The following SSPN variants were observed in gnomAD, a reference collection of about 807,000 sequenced individuals.
SSPN encodes K-ras oncogene-associated protein.
In SSPN, 15 loss-of-function variants were observed where a neutral mutation model predicts 19.1. The observed-to-expected ratio is 0.78, with a 90% CI of 0.52 to 1.21. The LOEUF (loss-of-function observed/expected upper bound fraction) is 1.21, where lower values mean the gene tolerates loss of function less well. Among genes scored for constraint, SSPN ranks in the 50% most tolerant of loss-of-function variants. The pLI is 0.00. For synonymous variants in SSPN, 147 were observed against 140.3 expected, an observed-to-expected ratio of 1.05 and a Z score of -0.34; for missense variants, 291 against 314.0, an observed-to-expected ratio of 0.93 and a Z score of 0.55.
At position 26,153,560 on chromosome 12, in the gene SSPN, T is replaced by C. The variant is rs193036389; in HGVS notation, c.-31+31408T>C. ...AGTACTTAAATATTTTTTGAATGAA[T>C]GTGTGCATAAATGAATAATGAATAA... On this transcript the variant is annotated intron_variant, in intron 1 of 2. Transcript: ENST00000538142. Among the ~76,000 whole-genome samples the C allele has an allele frequency of 3.9e-5, 6 of 152,268 alleles. No homozygotes were observed. In the East Asian group the frequency reaches 7.7e-4, roughly 20 times the overall value.
rs1565697951 is a variant in SSPN, at chr12:26,233,359, C to CACAT, written c.*2286_*2287insTACA. 10 of 144,584 alleles carry CACAT rather than the reference C, an allele frequency of 6.9e-5. No individual in the cohort carries two copies. Among genetic ancestry groups the CACAT allele is most frequent in the African/African-American group, 2.9e-4 (10 of 34,970 alleles). The allele number at this position is 144,584 out of a possible 1,614,324, so 9.0% of individuals were successfully genotyped here. A position where few individuals can be genotyped will look rare whatever the true frequency, so the allele number is the denominator to read the frequency against. ...ATATATATATATATATACACATACACACACACACACACATATATACTATAC... is the reference window on the plus strand; with the variant it reads ...ATATATATATATATATACACATACACACATACACACACACACATATATACTATAC... On this transcript the variant is annotated 3_prime_UTR_variant, in exon 3 of 3. Transcript: ENST00000242729. This position sits in a 1 kb window ranked among gnomAD's most constrained non-coding sequence, Gnocchi z 4.3.
At chr12:26,192,567 A>G (rs1355154560), upstream of SSPN, among the ~76,000 whole-genome samples, 1 of 152,202 alleles carries the variant, frequency 6.6e-6, no homozygotes, top group African/African-American at 2.4e-5. Flanking sequence ...TCAAATATCA[A>G]TTAAGTGAAA....
At chr12:26,160,657 T>C (rs1481109516) in intron 1 of SSPN, among the ~76,000 whole-genome samples, 1 of 152,346 alleles carries the variant, frequency 6.6e-6, no homozygotes, top group Middle Eastern at 3.4e-3. Context: ...TCCTTACTCA[T>C]AGCCTGCTAT....
intron 1 of SSPN, among the ~76,000 whole-genome samples, chr12:26,160,430 C>G (rs959118633): frequency 2.0e-5 from 3 of 152,180 alleles, no homozygotes; most frequent in African/African-American, 7.2e-5. Flanking sequence ...TCTGAACACA[C>G]AAATAACATC....
At chr12:26,191,184 T>G (rs1034442810), upstream of SSPN, among the ~76,000 whole-genome samples, 24 of 152,216 alleles carry the variant, frequency 1.6e-4, no homozygotes, top group African/African-American at 5.8e-4. Context: ...TTAAAATAAA[T>G]TTAGTTATTT....
intron 1 of SSPN, among the ~76,000 whole-genome samples, chr12:26,153,166 T>G (rs1351946381): frequency 2.0e-5 from 3 of 152,210 alleles, no homozygotes; most frequent in Non-Finnish European, 2.9e-5. Flanking sequence ...GGCAAATTAC[T>G]TAGCCTCTAA....
chr12:26,220,119 T>G (rs1188695360), intron 1 of SSPN, among the ~76,000 whole-genome samples: 1 of 152,044 alleles, frequency 6.6e-6, no homozygotes, highest in African/African-American at 2.4e-5. Flanking sequence ...AAATCTGGTT[T>G]TCTCTCCATG....
chr12:26,154,726 C>T (rs940270604), intron 1 of SSPN, among the ~76,000 whole-genome samples: 5 of 152,196 alleles, frequency 3.3e-5, no homozygotes, highest in South Asian at 2.1e-4. Context: ...ACTGTACATT[C>T]GATTATTGTT....
intron 1 of SSPN, among the ~76,000 whole-genome samples, chr12:26,161,692 G>A (rs912294229): frequency 6.6e-6 from 1 of 152,062 alleles, no homozygotes; most frequent in African/African-American, 2.4e-5. Flanking sequence ...TTGGTACCAG[G>A]GACCAGTTTC....
chr12:26,153,127 C>T (rs1944535294), intron 1 of SSPN, among the ~76,000 whole-genome samples: 1 of 152,176 alleles, frequency 6.6e-6, no homozygotes, highest in East Asian at 1.9e-4. Flanking sequence ...CACCACTCTC[C>T]GTCATATTCC....
chr12:26,201,029 AT>A (rs1565685459), intron 1 of SSPN, among the ~76,000 whole-genome samples: 5 of 38,610 alleles, frequency 1.3e-4, no homozygotes, highest in Admixed American at 6.3e-4. Flanking sequence ...ATATATATAT[AT>A]ATATATATAT....
intron 1 of SSPN, among the ~76,000 whole-genome samples, chr12:26,137,632 G>GTATATA (rs1565669413): frequency 2.3e-5 from 1 of 43,254 alleles, no homozygotes; most frequent in African/African-American, 9.5e-5. Flanking sequence ...GTGTGTGTGT[G>GTATATA]TATGTATATA....
In SSPN at chr12:26,224,298, C is replaced by CT. The variant is rs776093894; in HGVS notation, c.287dup (p.Leu96PhefsTer17). The CT allele has an allele frequency of 1.2e-6, 2 of 1,613,430 alleles. No individual in the cohort carries two copies. Among genetic ancestry groups the CT allele is most frequent in the African/African-American group, 2.7e-5 (2 of 75,044 alleles). ...TTCTGTGTTCTCCCTTGCAGGTCTG[C>CT]TTAGTGGCCTATCTTGGCTTGTTTA... is the stretch of plus-strand genomic sequence containing the variant. On this transcript the variant is annotated frameshift_variant, in exon 2 of 3. Coordinates refer to ENST00000242729, the MANE Select transcript of SSPN (RefSeq NM_005086.5). LOFTEE classifies it high-confidence loss of function.
chr12:26,135,549 T>A (rs1032603516), intron 1 of SSPN, among the ~76,000 whole-genome samples: 2 of 152,146 alleles, frequency 1.3e-5, no homozygotes, highest in African/African-American at 4.8e-5. Context: ...AGGTGGTCAG[T>A]CAGTCGTGCC....
At chr12:26,124,038 G>GCT in intron 1 of SSPN, 1 of 1,382,554 alleles carries the variant, frequency 7.2e-7, no homozygotes. Flanking sequence ...ACACGCCCTT[G>GCT]GAGAGCAGCA....
At chr12:26,194,180 T>G (rs1284107198), upstream of SSPN, among the ~76,000 whole-genome samples, 2 of 152,206 alleles carry the variant, frequency 1.3e-5, no homozygotes, top group Non-Finnish European at 2.9e-5. Context: ...TGAAATTTGC[T>G]CTAAGTGCTA....
intron 1 of SSPN, chr12:26,122,315 T>TGCC (rs1390639061): frequency 8.8e-7 from 1 of 1,142,126 alleles, no homozygotes; most frequent in Non-Finnish European, 1.1e-6. Context: ...CGGCGGCGGC[T>TGCC]GCCGCGGCTG....
At chr12:26,181,970 ACT>A (rs1944721010) in intron 1 of SSPN, among the ~76,000 whole-genome samples, 1 of 152,062 alleles carries the variant, frequency 6.6e-6, no homozygotes, top group African/African-American at 2.4e-5. Flanking sequence ...TTGCTTTTAA[ACT>A]CTGTGTGACA....
intron 1 of SSPN, among the ~76,000 whole-genome samples, chr12:26,132,600 T>G (rs1189825292): frequency 2.6e-5 from 4 of 152,220 alleles, no homozygotes; most frequent in Admixed American, 2.6e-4. Flanking sequence ...CTTGCTTTCC[T>G]GAGCCATCTA....
Sources: allele counts gnomAD v4.1 joint callset (sites outside exome capture counted in the v4.1 genomes callset), GRCh38; gene constraint gnomAD v4.1.1; non-coding constraint Gnocchi (gnomAD v3.1); transcripts MANE v1.5; gene names NCBI Gene and HGNC (gene_info 2026-07-23, HGNC 2026-07-21).